Variants in AGBL4 observed in about 807,000 individuals in gnomAD.
The protein encoded by AGBL4 is cytosolic carboxypeptidase 6.
Under a neutral mutation model 66.4 loss-of-function variants are expected in AGBL4, and 58 were observed. The observed-to-expected ratio is 0.87, with a 90% CI of 0.71 to 1.09. AGBL4 has a LOEUF of 1.09. Among genes scored for constraint, AGBL4 ranks in the 50% least tolerant of loss-of-function variants. The probability of loss-of-function intolerance (pLI) is 0.00; values close to 1 mark genes in which losing one functional copy is unlikely to be tolerated. For synonymous variants in AGBL4, 234 were observed against 222.9 expected, an observed-to-expected ratio of 1.05 and a Z score of -0.44; for missense variants, 579 against 631.0, an observed-to-expected ratio of 0.92 and a Z score of 0.88.
chr1:49,657,273 T>C (rs1403616917), intron 3 of AGBL4, among the ~76,000 whole-genome samples: 1 of 152,032 alleles, frequency 6.6e-6, no homozygotes, highest in Admixed American at 6.6e-5. Flanking sequence ...TCAGAGAGAA[T>C]AAAATACCTA....
intron 5 of AGBL4, among the ~76,000 whole-genome samples, chr1:49,005,787 G>C (rs1331858799): frequency 2.0e-5 from 3 of 152,110 alleles, no homozygotes; most frequent in Non-Finnish European, 4.4e-5. Flanking sequence ...TGGATCACAA[G>C]GTCAGGAGTT....
intron 4 of AGBL4, among the ~76,000 whole-genome samples, chr1:49,204,013 A>C (rs1245309455): frequency 6.6e-6 from 1 of 152,162 alleles, no homozygotes; most frequent in Non-Finnish European, 1.5e-5. Context: ...AAAATGGATA[A>C]AGCATCATGG....
intron 6 of AGBL4, among the ~76,000 whole-genome samples, chr1:48,729,673 C>T (rs182357831): frequency 1.0e-3 from 155 of 152,222 alleles, no homozygotes; most frequent in Non-Finnish European, 1.7e-3. Context: ...CTGAGCCCTT[C>T]CCTGGGCACA....
intron 3 of AGBL4, among the ~76,000 whole-genome samples, chr1:49,380,190 ATTCTT>A (rs1644568682): frequency 1.3e-5 from 2 of 152,174 alleles, no homozygotes; most frequent in Non-Finnish European, 2.9e-5. Context: ...AATCACAAGC[ATTCTT>A]ATACACCAAT....
rs1645131297 is a variant in AGBL4, at chr1:49,321,467, T to C, written c.283-75603A>G. ...AAAAGTATGGAAAACAGTATTCTCA[T>C]ACACTGCCAGTAAGACTGTAAACTA... On this transcript the variant is annotated intron_variant, in intron 3 of 13. Transcript: ENST00000371839. Among the ~76,000 whole-genome samples, 3 of 152,280 alleles carry C rather than the reference T, an allele frequency of 2.0e-5. No homozygotes were observed. In the South Asian group the frequency reaches 6.2e-4, roughly 32 times the overall value.
intron 9 of AGBL4, among the ~76,000 whole-genome samples, chr1:48,602,179 T>C (rs1353018543): frequency 3.9e-5 from 6 of 152,060 alleles, no homozygotes; most frequent in African/African-American, 1.4e-4. Context: ...GTCTAACCAC[T>C]CAGCTGCAGG....
chr1:48,663,378 T>C, intron 6 of AGBL4, 137 bp from the exon 7 acceptor site: 1 of 750,190 alleles, frequency 1.3e-6, no homozygotes, highest in Non-Finnish European at 2.3e-6. Flanking sequence ...GTTAGAATCA[T>C]TAAGGTCCAG....
chr1:49,234,455 T>C lies in AGBL4; in HGVS notation c.377+11315A>G, dbSNP rs1398045935. 2.0e-5 allele frequency among the ~76,000 whole-genome samples: 3 copies of C among 152,206 alleles called. No homozygotes were observed. The East Asian group carries it at 5.8e-4, about 29-fold the overall frequency. On this transcript the variant is annotated intron_variant, in intron 4 of 13. Transcript: ENST00000371839. ...AAAAGGAGAAGTGAACTTGAGAACA[T>C]ATTTCAGGCATAGGGAGAATATGTG... is the stretch of plus-strand genomic sequence containing the variant.
intron 1 of AGBL4, among the ~76,000 whole-genome samples, chr1:49,991,182 T>C (rs1000971493): frequency 1.3e-5 from 2 of 152,202 alleles, no homozygotes; most frequent in East Asian, 1.9e-4. Context: ...TAACCTTTCA[T>C]TTATGAGACA....
chr1:49,971,907 G>GTTGCTTTTTTTT (rs1553155278), intron 1 of AGBL4, among the ~76,000 whole-genome samples: 2 of 23,428 alleles, frequency 8.5e-5, no homozygotes, highest in African/African-American at 2.7e-4. Flanking sequence ...GTTTTTTTGG[G>GTTGCTTTTTTTT]TTTTTTTTTT....
intron 3 of AGBL4, among the ~76,000 whole-genome samples, chr1:49,440,333 G>A (rs1557942425): frequency 6.6e-6 from 1 of 152,150 alleles, no homozygotes; most frequent in Non-Finnish European, 1.5e-5. Flanking sequence ...CTCCCAAAGT[G>A]CTGGGATTAC....
chr1:49,238,119 C>CT (rs1650932092), intron 4 of AGBL4, among the ~76,000 whole-genome samples: 1 of 151,948 alleles, frequency 6.6e-6, no homozygotes, highest in Non-Finnish European at 1.5e-5. Context: ...TTTCAAGATT[C>CT]TTTCTTTGTC....
the AGBL4 span, among the ~76,000 whole-genome samples, chr1:48,523,366 T>C: frequency 4.6e-5 from 7 of 152,260 alleles, no homozygotes; most frequent in African/African-American, 1.7e-4. Context: ...GAATGTGAGT[T>C]CTTTCTCCCC....
At chr1:48,647,257 C>A (rs1645852778) in intron 8 of AGBL4, among the ~76,000 whole-genome samples, 1 of 152,170 alleles carries the variant, frequency 6.6e-6, no homozygotes, top group Admixed American at 6.5e-5. Context: ...CCCCACCCCA[C>A]CTCCACACTC....
At chr1:49,472,854 G>A (rs1272417341) in intron 3 of AGBL4, among the ~76,000 whole-genome samples, 1 of 151,798 alleles carries the variant, frequency 6.6e-6, no homozygotes, top group African/African-American at 2.4e-5. Flanking sequence ...AGTGTTTATT[G>A]TTCCCATCTT....
intron 6 of AGBL4, among the ~76,000 whole-genome samples, chr1:48,701,583 G>A (rs1214649607): frequency 6.6e-6 from 1 of 152,024 alleles, no homozygotes; most frequent in Non-Finnish European, 1.5e-5. Context: ...GGAGCTACAG[G>A]CACACACAGC....
chr1:49,613,641 C>A (rs923138602), intron 3 of AGBL4, among the ~76,000 whole-genome samples: 1 of 152,172 alleles, frequency 6.6e-6, no homozygotes, highest in Admixed American at 6.5e-5. Context: ...TGAGAATCTA[C>A]TGCCTGATGA....
intron 4 of AGBL4, among the ~76,000 whole-genome samples, chr1:49,234,524 C>A (rs1286666224): frequency 3.3e-5 from 5 of 152,152 alleles, no homozygotes; most frequent in Admixed American, 3.3e-4. Context: ...AGGATGTCTA[C>A]AGGTAGAGAA....
chr1:49,067,726 CT>C (rs893155787), intron 4 of AGBL4, among the ~76,000 whole-genome samples: 1 of 152,066 alleles, frequency 6.6e-6, no homozygotes, highest in Middle Eastern at 3.4e-3. Flanking sequence ...GCATAAGCTT[CT>C]TTTTTTTCCT....
Sources: allele counts gnomAD v4.1 joint callset (sites outside exome capture counted in the v4.1 genomes callset), GRCh38; gene constraint gnomAD v4.1.1; transcripts MANE v1.5; gene names NCBI Gene and HGNC (gene_info 2026-07-23, HGNC 2026-07-21).